The following IBTK variants were observed in gnomAD, a reference collection of about 807,000 sequenced individuals.
IBTK encodes inhibitor of Bruton tyrosine kinase.
In IBTK, 83 loss-of-function variants were observed where a neutral mutation model predicts 154.9. The observed-to-expected ratio is 0.54, with a 90% CI of 0.45 to 0.64. IBTK has a LOEUF of 0.64. Among genes scored for constraint, IBTK ranks in the 30% least tolerant of loss-of-function variants. The pLI is 0.00. For synonymous variants in IBTK, 515 were observed against 536.1 expected, an observed-to-expected ratio of 0.96 and a Z score of 0.54; for missense variants, 1,332 against 1,584.6, an observed-to-expected ratio of 0.84 and a Z score of 2.71.
intron 22 of IBTK, among the ~76,000 whole-genome samples, chr6:82,195,894 G>T (rs192042251): frequency 4.7e-4 from 71 of 152,238 alleles, no homozygotes; most frequent in Non-Finnish European, 1.0e-4. Context: ...TTAATACCCT[G>T]GAGGAAAGAG....
At chr6:82,225,724 A>C (rs1770272079) in intron 5 of IBTK, 77 bp from the exon 6 acceptor site, 1 of 1,063,440 alleles carries the variant, frequency 9.4e-7, no homozygotes, top group Non-Finnish European at 1.4e-6. Context: ...ATGATACTAC[A>C]TCTAAAATGA....
intron 16 of IBTK, among the ~76,000 whole-genome samples, chr6:82,207,228 A>C (rs1769447927): frequency 6.6e-6 from 1 of 152,210 alleles, no homozygotes; most frequent in Non-Finnish European, 1.5e-5. Flanking sequence ...TTAGTGAACA[A>C]GTTCAGCAAG....
intron 25 of IBTK, among the ~76,000 whole-genome samples, chr6:82,183,881 C>A (rs1768410580): frequency 6.6e-6 from 1 of 152,184 alleles, no homozygotes. Flanking sequence ...AATGGTTAAC[C>A]CTTTTTGCTG....
intron 17 of IBTK, among the ~76,000 whole-genome samples, chr6:82,203,768 T>C (rs748908646): frequency 6.6e-5 from 10 of 152,126 alleles, no homozygotes; most frequent in Non-Finnish European, 1.5e-4. Context: ...AAATATCACT[T>C]ATATGTATGT....
intron 8 of IBTK, among the ~76,000 whole-genome samples, 189 bp downstream of exon 8, chr6:82,223,251 A>T (rs1402830731): frequency 6.6e-6 from 1 of 152,214 alleles, no homozygotes; most frequent in African/African-American, 2.4e-5. Flanking sequence ...TTTACACAGA[A>T]ATTTTATATA....
intron 16 of IBTK, 98 bp downstream of exon 16, chr6:82,210,716 T>G (rs1033882768): frequency 7.9e-6 from 4 of 506,196 alleles, no homozygotes; most frequent in Non-Finnish European, 1.4e-5. Flanking sequence ...TAAGCCTTTA[T>G]TGATGGTTTT....
intron 6 of IBTK, among the ~76,000 whole-genome samples, chr6:82,224,928 T>C (rs759061076): frequency 1.3e-5 from 2 of 152,200 alleles, no homozygotes; most frequent in Non-Finnish European, 2.9e-5. Flanking sequence ...ATCTCCCAAG[T>C]GCAGAATTTC....
intron 25 of IBTK, among the ~76,000 whole-genome samples, chr6:82,183,940 C>T (rs1475830785): frequency 6.6e-6 from 1 of 152,178 alleles, no homozygotes; most frequent in Non-Finnish European, 1.5e-5. Context: ...GAAGCAGGAA[C>T]AAGGCTCCTG....
In IBTK at chr6:82,170,782, A is replaced by C. The variant is rs1284992699; in HGVS notation, c.*643T>G. Reference sequence around the variant, plus strand: ...ATTCTCTTGGGACTAAACTGTTCAGAATAATCAGTATTCTTATTCCCTTTC... The same window carrying C: ...ATTCTCTTGGGACTAAACTGTTCAGCATAATCAGTATTCTTATTCCCTTTC... On this transcript the variant is annotated 3_prime_UTR_variant, in exon 29 of 29. Transcript: ENST00000306270. The C allele has an allele frequency of 3.9e-5, 6 of 152,200 alleles. No individual in the cohort carries two copies. The highest frequency in any genetic ancestry group is 1.4e-4 in the African/African-American group (6 of 41,450). The allele number at this position is 152,200 out of a possible 1,614,324, so 9.4% of individuals were successfully genotyped here.
At chr6:82,204,016 T>C (rs578065108) in intron 17 of IBTK, among the ~76,000 whole-genome samples, 6 of 152,182 alleles carry the variant, frequency 3.9e-5, no homozygotes, top group Admixed American at 3.3e-4. Context: ...AGAACAGATA[T>C]AAGATTAGAA....
At chr6:82,215,188 A>G (rs897590668) in intron 11 of IBTK, among the ~76,000 whole-genome samples, 1 of 152,128 alleles carries the variant, frequency 6.6e-6, no homozygotes, top group African/African-American at 2.4e-5. Flanking sequence ...CCTTGGACTG[A>G]CGAGTTTCTC....
chr6:82,240,717 T>C lies in IBTK; in HGVS notation c.-231A>G, dbSNP rs1770912641. On this transcript the variant is annotated 5_prime_UTR_variant, in exon 2 of 29. Transcript: ENST00000306270. ...TATAAAGTTCATATCAAATACAAGT[T>C]CTTCATTTAAAAAAATTCCACAGTT... 2.1e-6 allele frequency: 1 copy of C among 477,124 alleles called. No homozygotes were observed. The highest frequency in any genetic ancestry group is 2.0e-5 in the African/African-American group (1 of 50,110). The allele number at this position is 477,124 out of a possible 1,614,324, so 29.6% of individuals were successfully genotyped here.
chr6:82,216,312 GAAGTA>G, intron 10 of IBTK, 62 bp from the exon 11 acceptor site: 1 of 1,042,580 alleles, frequency 9.6e-7, no homozygotes, highest in Non-Finnish European at 1.4e-6. Flanking sequence ...AAATGATTGA[GAAGTA>G]AATGGAATAG....
chr6:82,221,449 G>C (rs1366153731), intron 8 of IBTK, among the ~76,000 whole-genome samples: 1 of 152,078 alleles, frequency 6.6e-6, no homozygotes, highest in African/African-American at 2.4e-5. Flanking sequence ...TTTAAAAAAT[G>C]GCTAATCCTA....
chr6:82,176,837 C>T (rs549952710), intron 26 of IBTK, among the ~76,000 whole-genome samples: 1 of 152,182 alleles, frequency 6.6e-6, no homozygotes, highest in South Asian at 2.1e-4. Context: ...GGACCATAAG[C>T]ATTCCTATCT....
chr6:82,233,034 C>T (rs756760381), intron 3 of IBTK, among the ~76,000 whole-genome samples: 6 of 151,874 alleles, frequency 4.0e-5, no homozygotes, highest in Non-Finnish European at 5.9e-5. Flanking sequence ...TGCCTGTAAT[C>T]CCAGCTACTC....
intron 6 of IBTK, 112 bp from the exon 7 acceptor site, chr6:82,224,297 C>T: frequency 1.3e-6 from 1 of 744,430 alleles, no homozygotes; most frequent in South Asian, 1.6e-5. Context: ...TAGTGGTCCA[C>T]TCAAGTGCAA....
chr6:82,189,018 A>T, intron 25 of IBTK: 2 of 448,192 alleles, frequency 4.5e-6, no homozygotes, highest in South Asian at 3.1e-5. Context: ...CAACAGGGTG[A>T]GACTCCATCT....
chr6:82,217,373 T>C (rs1395003851), intron 10 of IBTK, among the ~76,000 whole-genome samples: 1 of 152,160 alleles, frequency 6.6e-6, no homozygotes, highest in Non-Finnish European at 1.5e-5. Context: ...AAGAAACTTA[T>C]TATGTGGATA....
Sources: gnomAD v4.1 joint callset for allele counts (sites outside exome capture counted in the v4.1 genomes callset) on GRCh38, gnomAD v4.1.1 for gene constraint, MANE v1.5 for transcripts, NCBI Gene and HGNC (gene_info 2026-07-23, HGNC 2026-07-21) for gene names.